CAMTA1: variants seen among roughly 807,000 people sequenced by gnomAD.
The protein encoded by CAMTA1 is calmodulin binding transcription activator 1, also known as calmodulin-binding transcription activator 1.
CAMTA1 carries 27 observed loss-of-function variants against 170.9 expected under a neutral mutation model. The observed-to-expected ratio is 0.16, with a 90% CI of 0.12 to 0.22. The LOEUF is 0.22. Among genes scored for constraint, CAMTA1 ranks in the 10% least tolerant of loss-of-function variants. The pLI is 1.00. For synonymous variants in CAMTA1, 833 were observed against 891.5 expected (o/e 0.93, Z 1.17); for missense variants, 1,619 against 2,217.2 (o/e 0.73, Z 5.42).
Position 7,234,458 on chromosome 1 carries a change from T to C in CAMTA1, c.303-15033T>C, listed in dbSNP as rs998392691. Among the ~76,000 whole-genome samples, 1 of 152,216 alleles carries C rather than the reference T, an allele frequency of 6.6e-6. No individual in the cohort carries two copies. The stretch of plus-strand genomic sequence containing the variant: ...GCCCAGGGCGGGCCTCTGTGCGTCA[T>C]TGTTCTTCCTCCCTACCGGACTGCA... On this transcript the variant is annotated intron_variant, in intron 4 of 22. Transcript: ENST00000303635. The surrounding 1 kb of genome is among the most constrained non-coding windows in gnomAD (Gnocchi z 5.0).
At chr1:7,506,729 C>G (rs12033734) in intron 6 of CAMTA1, among the ~76,000 whole-genome samples, 20,769 of 152,024 alleles carry the variant, frequency 0.14, 1,498 homozygotes, top group East Asian at 0.2. Flanking sequence ...AAAATTCACA[C>G]TAGCATCATG....
At chr1:7,437,792 C>G (rs2092394116) in intron 5 of CAMTA1, among the ~76,000 whole-genome samples, 2 of 152,214 alleles carry the variant, frequency 1.3e-5, no homozygotes, top group African/African-American at 2.4e-5. Context: ...CCCGGGCCAG[C>G]AGGCGCATTC....
At chr1:7,494,463 C>T (rs1211574717) in intron 6 of CAMTA1, among the ~76,000 whole-genome samples, 2 of 152,120 alleles carry the variant, frequency 1.3e-5, no homozygotes, top group African/African-American at 2.4e-5. Context: ...AAACCATGAG[C>T]GGGAAGCCAA....
At chr1:7,393,396 G>A (rs1488660670) in intron 5 of CAMTA1, among the ~76,000 whole-genome samples, 1 of 152,074 alleles carries the variant, frequency 6.6e-6, no homozygotes, top group African/African-American at 2.4e-5. Context: ...CTTTCGAGTA[G>A]CTGAGACCAC....
Position 7,143,976 on chromosome 1 carries a change from G to C in CAMTA1, c.302+52605G>C, listed in dbSNP as rs539591215. Among the ~76,000 whole-genome samples, 18 of 152,264 alleles carry C rather than the reference G, an allele frequency of 1.2e-4. No homozygotes were observed. The South Asian group carries it at 3.5e-3, about 30-fold the overall frequency. On this transcript the variant is annotated intron_variant, in intron 4 of 22. Coordinates refer to ENST00000303635, the MANE Select transcript of CAMTA1 (RefSeq NM_015215.4). Reference sequence around the variant, plus strand: ...CACTCTGTGTGTCATCAAACACAAGGACATTTTTACTTCTCTGTTGTTTGA... The same window carrying C: ...CACTCTGTGTGTCATCAAACACAAGCACATTTTTACTTCTCTGTTGTTTGA...
At chr1:7,342,795 A>C (rs2083932607) in intron 5 of CAMTA1, among the ~76,000 whole-genome samples, 1 of 152,202 alleles carries the variant, frequency 6.6e-6, no homozygotes, top group Admixed American at 6.5e-5. Flanking sequence ...CTTGAGGCCG[A>C]GGGCCTGAGC....
chr1:7,669,302 C>G (rs2096033166), intron 9 of CAMTA1, among the ~76,000 whole-genome samples: 1 of 152,242 alleles, frequency 6.6e-6, no homozygotes, highest in African/African-American at 2.4e-5. Context: ...AGTCTCTTTT[C>G]CTGGCTGGGC....
chr1:7,388,727 G>A (rs76732512), intron 5 of CAMTA1, among the ~76,000 whole-genome samples: 10 of 152,194 alleles, frequency 6.6e-5, no homozygotes, highest in African/African-American at 1.7e-4. Context: ...CTGCTGATGC[G>A]CCTCCTGGGA....
In CAMTA1 at chr1:7,736,252, A is replaced by C. The variant is rs1271705916; in HGVS notation, c.3067-92A>C. On this transcript the variant is annotated intron_variant, in intron 12 of 22. Coordinates refer to ENST00000303635, the MANE Select transcript of CAMTA1 (RefSeq NM_015215.4). The surrounding 1 kb of genome is among the most constrained non-coding windows in gnomAD (Gnocchi z 4.5). ...TTTATGTTTTCCGTTGTGAGTTTCTAATCGTAAAGCATTTGTTTCCCCTAC... is the reference window on the plus strand; with the variant it reads ...TTTATGTTTTCCGTTGTGAGTTTCTCATCGTAAAGCATTTGTTTCCCCTAC... 6.7e-6 allele frequency: 7 copies of C among 1,041,146 alleles called. No homozygotes were observed. The highest frequency in any genetic ancestry group is 7.1e-6 in the Non-Finnish European group (5 of 704,994). The allele number at this position is 1,041,146 out of a possible 1,614,324, so 64.5% of individuals were successfully genotyped here.
chr1:6,932,987 A>G (rs1468184775), intron 3 of CAMTA1, among the ~76,000 whole-genome samples: 4 of 151,864 alleles, frequency 2.6e-5, no homozygotes, highest in African/African-American at 4.8e-5. Flanking sequence ...GAAGTTAATT[A>G]TGATAATGTC....
chr1:7,024,485 A>G (rs1474632369), intron 3 of CAMTA1, among the ~76,000 whole-genome samples: 2 of 152,230 alleles, frequency 1.3e-5, no homozygotes, highest in African/African-American at 4.8e-5. Flanking sequence ...TTCCTAAAGG[A>G]ATAAATAGGG....
chr1:6,811,303 T>G (rs1284834375), intron 1 of CAMTA1, among the ~76,000 whole-genome samples: 3 of 152,216 alleles, frequency 2.0e-5, no homozygotes, highest in Non-Finnish European at 4.4e-5. Flanking sequence ...TTCTCTATGT[T>G]AAGTAGAACC....
rs925314149 is a variant in CAMTA1, at chr1:7,148,630, C to T, written c.302+57259C>T. Among the ~76,000 whole-genome samples the T allele has an allele frequency of 3.3e-5, 5 of 152,172 alleles. No homozygotes were observed. In the South Asian group the frequency reaches 8.3e-4, roughly 25 times the overall value. On this transcript the variant is annotated intron_variant, in intron 4 of 22. Coordinates refer to ENST00000303635, the MANE Select transcript of CAMTA1 (RefSeq NM_015215.4). ...CCCTCCCATTGCAGTTGGATGTGGCCAGCCGGCCCATTCAGTCCAAGTGCC... is the reference window on the plus strand; with the variant it reads ...CCCTCCCATTGCAGTTGGATGTGGCTAGCCGGCCCATTCAGTCCAAGTGCC...
chr1:6,955,618 T>C lies in CAMTA1; in HGVS notation c.234+130408T>C, dbSNP rs545283490. ...AGTATTACTACTATTGTTGTGACTG[T>C]TGAGTCAGATCAGGTTTCTCCTGAA... On this transcript the variant is annotated intron_variant, in intron 3 of 22. Transcript: ENST00000303635. Among the ~76,000 whole-genome samples the C allele has an allele frequency of 7.2e-5, 11 of 152,248 alleles. No homozygotes were observed. In the South Asian group the frequency reaches 2.3e-3, roughly 32 times the overall value.
chr1:7,582,503 G>T (rs1387279721), intron 6 of CAMTA1, among the ~76,000 whole-genome samples: 1 of 152,098 alleles, frequency 6.6e-6, no homozygotes, highest in African/African-American at 2.4e-5. Context: ...ATGGATAAAG[G>T]TTCTCTTTTC....
chr1:7,701,218 C>T (rs2096435722), intron 11 of CAMTA1, among the ~76,000 whole-genome samples: 1 of 152,164 alleles, frequency 6.6e-6, no homozygotes, highest in Admixed American at 6.5e-5. Context: ...TTGAAGCTTT[C>T]GTCTTACCCT....
At chr1:6,974,407 T>C (rs1179358285) in intron 3 of CAMTA1, among the ~76,000 whole-genome samples, 2 of 152,248 alleles carry the variant, frequency 1.3e-5, no homozygotes, top group African/African-American at 2.4e-5. Context: ...AGATTTAATG[T>C]AAAATAAACT....
intron 5 of CAMTA1, among the ~76,000 whole-genome samples, chr1:7,365,684 G>C (rs2085913875): frequency 6.6e-6 from 1 of 152,164 alleles, no homozygotes; most frequent in Admixed American, 6.5e-5. Context: ...TCTAATGACA[G>C]TTCTGGCCAA....
intron 1 of CAMTA1, among the ~76,000 whole-genome samples, chr1:6,790,689 C>T (rs1191641747): frequency 6.6e-6 from 1 of 151,988 alleles, no homozygotes; most frequent in African/African-American, 2.4e-5. Context: ...AAATTTAATA[C>T]CTAATTGATG....
Sources: gnomAD v4.1 joint callset for allele counts (sites outside exome capture counted in the v4.1 genomes callset) on GRCh38, gnomAD v4.1.1 for gene constraint, Gnocchi (gnomAD v3.1) non-coding constraint, MANE v1.5 for transcripts, NCBI Gene and HGNC (gene_info 2026-07-23, HGNC 2026-07-21) for gene names.